CERKL: variants seen among roughly 807,000 people sequenced by gnomAD.
The protein encoded by CERKL is CERK like autophagy regulator, also known as ceramide kinase-like protein.
Under a neutral mutation model 63.4 loss-of-function variants are expected in CERKL, and 61 were observed. The ratio of observed to expected loss-of-function variants is 0.96; its 90% CI spans 0.78 to 1.19. CERKL has a LOEUF of 1.19. Ranked by LOEUF, CERKL falls within the 50% of genes most tolerant of loss-of-function variation. The pLI, the probability that CERKL is intolerant of heterozygous loss-of-function variation, is 0.00. For synonymous variants in CERKL, 250 were observed against 230.5 expected (o/e 1.08, Z -0.77); for missense variants, 675 against 655.5 (o/e 1.03, Z -0.33).
chr2:181,623,687 G>A (rs1686556505), intron 1 of CERKL, among the ~76,000 whole-genome samples: 1 of 152,180 alleles, frequency 6.6e-6, no homozygotes, highest in South Asian at 2.1e-4. Context: ...GGAGCATGCT[G>A]TGTAGGTACG....
At chr2:181,628,095 G>C (rs1393970670) in intron 1 of CERKL, among the ~76,000 whole-genome samples, 2 of 66,824 alleles carry the variant, frequency 3.0e-5, no homozygotes, top group African/African-American at 1.2e-4. Context: ...ACATTTTTTT[G>C]TGTTAAAAAA....
At chr2:181,651,068 C>T (rs3910664) in intron 1 of CERKL, among the ~76,000 whole-genome samples, 80,897 of 152,028 alleles carry the variant, frequency 0.53, 23,724 homozygotes, top group East Asian at 0.9. Context: ...GGCCCAGAAA[C>T]GAATGGCTTC....
At chr2:181,649,013 G>C (rs74557285) in intron 1 of CERKL, among the ~76,000 whole-genome samples, 14,487 of 152,048 alleles carry the variant, frequency 0.095, 873 homozygotes, top group South Asian at 0.27. Context: ...GAAGAACTGA[G>C]AATCTACAAG....
intron 1 of CERKL, among the ~76,000 whole-genome samples, chr2:181,624,527 T>A (rs1444343522): frequency 1.3e-5 from 2 of 152,082 alleles, no homozygotes. Context: ...TAAGACCCAA[T>A]CTTAAAACAA....
intron 3 of CERKL, among the ~76,000 whole-genome samples, chr2:181,570,281 G>T (rs957746062): frequency 1.1e-4 from 16 of 152,134 alleles, no homozygotes; most frequent in African/African-American, 3.4e-4. Context: ...CCACACACCT[G>T]TGCTCCACCC....
intron 2 of CERKL, among the ~76,000 whole-genome samples, chr2:181,602,659 C>T (rs925410466): frequency 6.6e-6 from 1 of 152,192 alleles, no homozygotes; most frequent in Non-Finnish European, 1.5e-5. Flanking sequence ...GCTTTATTGG[C>T]TGGCTGCCTT....
At chr2:181,553,727 C>G (rs1289368473) in intron 5 of CERKL, among the ~76,000 whole-genome samples, 2 of 152,142 alleles carry the variant, frequency 1.3e-5, no homozygotes, top group African/African-American at 2.4e-5. Flanking sequence ...TCATTGACTA[C>G]TCATTAATCT....
At chr2:181,542,787 TTA>T (rs1254691583) in intron 11 of CERKL, among the ~76,000 whole-genome samples, 2 of 152,202 alleles carry the variant, frequency 1.3e-5, no homozygotes, top group Admixed American at 1.3e-4. Flanking sequence ...CTGCATAATA[TTA>T]TCTCTTAGAA....
At chr2:181,588,884 C>T (rs1428975097) in intron 2 of CERKL, among the ~76,000 whole-genome samples, 5 of 152,068 alleles carry the variant, frequency 3.3e-5, no homozygotes, top group East Asian at 3.8e-4. Context: ...TGTCTTCTTT[C>T]GAGAAATGTC....
At chr2:181,545,481 A>T (rs1687685461) in intron 10 of CERKL, among the ~76,000 whole-genome samples, 1 of 152,238 alleles carries the variant, frequency 6.6e-6, no homozygotes, top group Non-Finnish European at 1.5e-5. Flanking sequence ...AATGACTTCT[A>T]GCTTGATTTC....
chr2:181,624,292 C>G (rs1441164), intron 1 of CERKL, among the ~76,000 whole-genome samples: 17,007 of 151,856 alleles, frequency 0.11, 1,310 homozygotes, highest in East Asian at 0.22. Context: ...CTTTGGGAGG[C>G]TGGCACAGAA....
At chr2:181,633,599 T>G (rs1477408706) in intron 1 of CERKL, among the ~76,000 whole-genome samples, 1 of 152,186 alleles carries the variant, frequency 6.6e-6, no homozygotes, top group Non-Finnish European at 1.5e-5. Flanking sequence ...TAAAAGTTCA[T>G]ATTGTTTTTG....
intron 1 of CERKL, among the ~76,000 whole-genome samples, chr2:181,641,412 C>T (rs1687438855): frequency 1.3e-5 from 2 of 149,822 alleles, no homozygotes; most frequent in Non-Finnish European, 3.0e-5. Context: ...TGGCCTCGAA[C>T]TCCTGGGCTC....
chr2:181,620,520 A>G (rs532183012), intron 1 of CERKL, among the ~76,000 whole-genome samples: 3 of 152,330 alleles, frequency 2.0e-5, no homozygotes, highest in African/African-American at 7.2e-5. Flanking sequence ...AGTATTCAGA[A>G]CAACTGTTGA....
chr2:181,620,151 A>G (rs1399332164), intron 1 of CERKL, among the ~76,000 whole-genome samples: 1 of 152,186 alleles, frequency 6.6e-6, no homozygotes, highest in Non-Finnish European at 1.5e-5. Flanking sequence ...ACAGGATGAG[A>G]TGTAAACCAC....
chr2:181,605,027 G>A (rs1381564473), intron 1 of CERKL, among the ~76,000 whole-genome samples: 2 of 152,124 alleles, frequency 1.3e-5, no homozygotes, highest in Non-Finnish European at 2.9e-5. Flanking sequence ...GGAATAATAA[G>A]AAACTAGTTT....
intron 1 of CERKL, among the ~76,000 whole-genome samples, chr2:181,621,500 AAAT>A (rs1686446319): frequency 6.6e-6 from 1 of 152,216 alleles, no homozygotes; most frequent in African/African-American, 2.4e-5. Context: ...TCTGATACTA[AAAT>A]AAGCTAAATG....
chr2:181,597,963 A>G (rs1250198471), intron 2 of CERKL, among the ~76,000 whole-genome samples: 1 of 152,190 alleles, frequency 6.6e-6, no homozygotes, highest in Non-Finnish European at 1.5e-5. Context: ...GCACAGTGCC[A>G]ATCGCTAAAG....
At chr2:181,610,635 C>T (rs1685925434) in intron 1 of CERKL, among the ~76,000 whole-genome samples, 2 of 152,104 alleles carry the variant, frequency 1.3e-5, no homozygotes, top group African/African-American at 4.8e-5. Flanking sequence ...AAGCAAGTTA[C>T]AAAGTAATCT....
Sources: allele counts gnomAD v4.1 joint callset (sites outside exome capture counted in the v4.1 genomes callset), GRCh38; gene constraint gnomAD v4.1.1; transcripts MANE v1.5; gene names NCBI Gene and HGNC (gene_info 2026-07-23, HGNC 2026-07-21).